The following MAP2K2 variants were observed in gnomAD, a reference collection of about 807,000 sequenced individuals.
MAP2K2 encodes the protein dual specificity mitogen-activated protein kinase kinase 2.
A neutral mutation model predicts 43.7 loss-of-function variants in MAP2K2; 24 were observed. The ratio of observed to expected loss-of-function variants is 0.55; its 90% CI spans 0.40 to 0.77. The LOEUF (loss-of-function observed/expected upper bound fraction) is 0.77, where lower values mean the gene tolerates loss of function less well. MAP2K2 is among the 30% of genes least tolerant of loss of function. MAP2K2 has a pLI of 0.00. For synonymous variants in MAP2K2, 244 were observed against 239.7 expected (o/e 1.02, Z -0.17); for missense variants, 470 against 566.8 (o/e 0.83, Z 1.73).
At chr19:4,114,312 T>C (rs350895) in intron 2 of MAP2K2, among the ~76,000 whole-genome samples, 114,752 of 152,090 alleles carry the variant, frequency 0.75, 43,415 homozygotes, top group East Asian at 0.92. Context: ...GAGGCTGCTG[T>C]TCAATTTTAA....
chr19:4,102,451 G>T lies in MAP2K2; in HGVS notation c.453C>A (p.Asp151Glu). The T allele has an allele frequency of 6.3e-7, 1 of 1,597,604 alleles. No individual in the cohort carries two copies. Among genetic ancestry groups the T allele is most frequent in the Non-Finnish European group, 8.5e-7 (1 of 1,172,814 alleles). ...GEISICMEHMDGGSLDQVLKE... is the reference protein window; with the variant it reads ...GEISICMEHMEGGSLDQVLKE... Reference sequence around the variant, plus strand: ...TCAGCACCTGGTCCAGGGAGCCGCCGTCCTAGAGGGCACACAAGGAGTGAG... The same window carrying T: ...TCAGCACCTGGTCCAGGGAGCCGCCTTCCTAGAGGGCACACAAGGAGTGAG... Residue 151 changes from aspartate (D) to glutamate (E), a missense_variant and splice_region_variant, in exon 4 of 11, where the codon GAC becomes GAA. Physicochemically the swap from Asp to Glu is conservative, Grantham distance 45. Around this residue, in one of 3 missense-constraint regions of MAP2K2, gnomAD observed 200 missense variants for 297.9 expected, o/e 0.67. Transcript: ENST00000262948.
At chr19:4,123,387 G>C (rs2041325132) in intron 1 of MAP2K2, among the ~76,000 whole-genome samples, 1 of 151,460 alleles carries the variant, frequency 6.6e-6, no homozygotes, top group Non-Finnish European at 1.5e-5. Flanking sequence ...TCTCCTCTTA[G>C]AGACATCCTT....
At chr19:4,106,103 T>G (rs1191195757) in intron 3 of MAP2K2, among the ~76,000 whole-genome samples, 1 of 152,188 alleles carries the variant, frequency 6.6e-6, no homozygotes, top group Non-Finnish European at 1.5e-5. Flanking sequence ...TAAAGCATGC[T>G]TGCCCAGCCA....
chr19:4,098,642 G>A (rs10413038), intron 7 of MAP2K2, among the ~76,000 whole-genome samples: 3,430 of 152,230 alleles, frequency 0.023, 120 homozygotes, highest in African/African-American at 0.078. Context: ...CGAGGTGCCC[G>A]CCCTAAGTGC....
chr19:4,108,775 C>T (rs757316750), intron 3 of MAP2K2, among the ~76,000 whole-genome samples: 2 of 152,056 alleles, frequency 1.3e-5, no homozygotes, highest in South Asian at 2.1e-4. Context: ...CCACACAAAA[C>T]GAGGATGGAC....
chr19:4,111,576 C>T (rs1309706648), intron 2 of MAP2K2, among the ~76,000 whole-genome samples: 1 of 152,146 alleles, frequency 6.6e-6, no homozygotes, highest in South Asian at 2.1e-4. Flanking sequence ...TCCTTCAACC[C>T]AAGTTCAAGA....
chr19:4,094,666 G>A (rs2040890051), intron 9 of MAP2K2, 168 bp from the exon 10 acceptor site: 2 of 663,362 alleles, frequency 3.0e-6, no homozygotes, highest in Admixed American at 2.3e-5. Context: ...TCCTGGCAGA[G>A]GACGAGGGAT....
intron 10 of MAP2K2, among the ~76,000 whole-genome samples, chr19:4,092,350 GC>G (rs1433082080): frequency 1.3e-5 from 2 of 152,204 alleles, no homozygotes; most frequent in Non-Finnish European, 2.9e-5. Context: ...TATAATCTCA[GC>G]ACTCTGGGAG....
intron 1 of MAP2K2, among the ~76,000 whole-genome samples, chr19:4,118,196 T>C (rs537001984): frequency 1.4e-4 from 22 of 152,222 alleles, no homozygotes; most frequent in African/African-American, 5.1e-4. Flanking sequence ...CCTCAGCCTC[T>C]CAAAGTGCTG....
intron 2 of MAP2K2, among the ~76,000 whole-genome samples, chr19:4,113,595 C>G (rs961094657): frequency 6.6e-6 from 1 of 152,164 alleles, no homozygotes; most frequent in African/African-American, 2.4e-5. Context: ...GGGGCTGCCT[C>G]GGGGAACACT....
At chr19:4,107,306 C>T (rs1255706140) in intron 3 of MAP2K2, among the ~76,000 whole-genome samples, 2 of 151,960 alleles carry the variant, frequency 1.3e-5, no homozygotes, top group African/African-American at 4.8e-5. Flanking sequence ...AGGCGGATCA[C>T]GAGGTCAGGA....
intron 3 of MAP2K2, among the ~76,000 whole-genome samples, chr19:4,105,749 C>A (rs914646038): frequency 6.6e-6 from 1 of 152,202 alleles, no homozygotes; most frequent in African/African-American, 2.4e-5. Flanking sequence ...TCTTGGCTCA[C>A]TGCAGCCTCC....
chr19:4,112,318 C>T (rs1331894266), intron 2 of MAP2K2, among the ~76,000 whole-genome samples: 1 of 152,188 alleles, frequency 6.6e-6, no homozygotes, highest in Non-Finnish European at 1.5e-5. Flanking sequence ...GAGAATCAAC[C>T]CAGGTGCCTG....
rs2040843288 is a variant in MAP2K2 at position 4,090,403 on chromosome 19, C to T, written c.*195G>A. On this transcript the variant is annotated 3_prime_UTR_variant, in exon 11 of 11. Transcript: ENST00000262948. The stretch of plus-strand genomic sequence containing the variant: ...CACACACAGCAGCGTCGCCCGTCCC[C>T]AGAGGCACCCCGGCCAGGACGGGCA... 3.2e-6 allele frequency: 2 copies of T among 630,758 alleles called. No homozygotes were observed. Among genetic ancestry groups the T allele is most frequent in the Admixed American group, 2.4e-5 (1 of 41,280 alleles). 39.1% of individuals were successfully genotyped at this position (630,758 alleles called of 1,614,324 possible). A position where few individuals can be genotyped will look rare whatever the true frequency, so the allele number is the denominator to read the frequency against.
Position 4,101,188 on chromosome 19 carries a change from G to C in MAP2K2, c.580+41C>G, listed in dbSNP as rs1236050467. 1.3e-6 allele frequency: 2 copies of C among 1,595,664 alleles called. No homozygotes were observed. Among genetic ancestry groups the C allele is most frequent in the African/African-American group, 2.7e-5 (2 of 74,482 alleles). ...GGTGAGGGGCGCCCAACAGTTGCCT[G>C]CCGGCCCCCGGGGCTCTGGGGAGGG... is the stretch of plus-strand genomic sequence containing the variant. On this transcript the variant is annotated intron_variant, in intron 5 of 10. Transcript: ENST00000262948. This position sits in a 1 kb window ranked among gnomAD's most constrained non-coding sequence, Gnocchi z 6.3.
chr19:4,123,760 T>A, intron 1 of MAP2K2, 24 bp downstream of exon 1: 1 of 1,474,832 alleles, frequency 6.8e-7, no homozygotes, highest in South Asian at 1.2e-5. Flanking sequence ...ACCCCAAGCC[T>A]CCGGCTGACC....
At chr19:4,112,002 C>T (rs1460025235) in intron 2 of MAP2K2, among the ~76,000 whole-genome samples, 2 of 148,864 alleles carry the variant, frequency 1.3e-5, no homozygotes, top group Admixed American at 6.6e-5. Context: ...ACAACAAAAA[C>T]ACCACGGGCA....
chr19:4,099,067 G>T, intron 7 of MAP2K2, 134 bp downstream of exon 7: 2 of 757,426 alleles, frequency 2.6e-6, no homozygotes, highest in Non-Finnish European at 4.3e-6. Context: ...GAGGACTGCT[G>T]ACCACAGTCG....
At chr19:4,105,282 T>C (rs940616382) in intron 3 of MAP2K2, among the ~76,000 whole-genome samples, 4 of 151,720 alleles carry the variant, frequency 2.6e-5, no homozygotes, top group Admixed American at 2.6e-4. Context: ...TTTTTTTTTT[T>C]TCCTGAGGCG....
Sources: allele counts gnomAD v4.1 joint callset (sites outside exome capture counted in the v4.1 genomes callset), GRCh38; gene constraint gnomAD v4.1.1; regional missense constraint gnomAD v4.1.1; non-coding constraint Gnocchi (gnomAD v3.1); transcripts MANE v1.5; gene names NCBI Gene and HGNC (gene_info 2026-07-23, HGNC 2026-07-21).